The following PLCD4 variants were observed in gnomAD, a reference collection of about 807,000 sequenced individuals.
PLCD4 encodes phospholipase C delta 4, also known as 1-phosphatidylinositol 4,5-bisphosphate phosphodiesterase delta-4.
A neutral mutation model predicts 90.2 loss-of-function variants in PLCD4; 63 were observed. The observed-to-expected ratio is 0.70, with a 90% CI of 0.57 to 0.86. PLCD4 has a LOEUF of 0.86. Ranked by LOEUF, PLCD4 falls within the 40% of genes least tolerant of loss-of-function variation. The probability of loss-of-function intolerance (pLI) is 0.00; values close to 1 mark genes in which losing one functional copy is unlikely to be tolerated. For missense variants in PLCD4, 830 were observed against 956.3 expected, an observed-to-expected ratio of 0.87 and a Z score of 1.74; for synonymous variants, 294 against 356.5, an observed-to-expected ratio of 0.82 and a Z score of 1.97.
intron 1 of PLCD4, among the ~76,000 whole-genome samples, chr2:218,611,770 C>A (rs892096744): frequency 6.6e-6 from 1 of 151,384 alleles, no homozygotes; most frequent in African/African-American, 2.4e-5. Context: ...GGCTACTTTT[C>A]GTATTTTTAA....
At chr2:218,616,549 A>G (rs1292490232) in intron 3 of PLCD4, among the ~76,000 whole-genome samples, 1 of 151,846 alleles carries the variant, frequency 6.6e-6, no homozygotes, top group Non-Finnish European at 1.5e-5. Context: ...CTGTCTCTAT[A>G]AAAAATAAAA....
At chr2:218,621,628 G>A (rs1490787052) in intron 5 of PLCD4, 29 bp downstream of exon 5, 1 of 1,612,296 alleles carries the variant, frequency 6.2e-7, no homozygotes, top group Non-Finnish European at 8.5e-7. Flanking sequence ...ATTTCCAGCG[G>A]CCAACCAGGC....
chr2:218,618,657 T>G lies in PLCD4; in HGVS notation c.260T>G (p.Leu87Arg), dbSNP rs1224326531. ...CGTAGCCTGGCAGAGGAGCTCCCCC[T>G]GGAGCAGGGCTTCACCATTGTCTTC... ...LLRSLAEELP[L>R]EQGFTIVFHG... Residue 87 changes from leucine (L) to arginine (R), a missense_variant, in exon 4 of 16, where the codon CTG becomes CGG. Physicochemically the swap from Leu to Arg is moderately radical, Grantham distance 102. Coordinates refer to ENST00000450993, the MANE Select transcript of PLCD4 (RefSeq NM_032726.4). 3.1e-6 allele frequency: 5 copies of G among 1,613,886 alleles called. No homozygotes were observed. The Admixed American group carries it at 8.3e-5, about 27-fold the overall frequency.
rs1696624093 is a variant in PLCD4, at chr2:218,634,907, A to G, written c.1896+277A>G. Among the ~76,000 whole-genome samples the G allele has an allele frequency of 6.6e-6, 1 of 152,206 alleles. No homozygotes were observed. Among genetic ancestry groups the G allele is most frequent in the Admixed American group, 6.5e-5 (1 of 15,282 alleles). Reference sequence around the variant, plus strand: ...AGGGTTATAAGGAGTATAACAGTTAATATAAAGTTCTTACAATTCCTGGCA... The same window carrying G: ...AGGGTTATAAGGAGTATAACAGTTAGTATAAAGTTCTTACAATTCCTGGCA... On this transcript the variant is annotated intron_variant, in intron 13 of 15. Coordinates refer to ENST00000450993, the MANE Select transcript of PLCD4 (RefSeq NM_032726.4). The surrounding 1 kb of genome is among the most constrained non-coding windows in gnomAD (Gnocchi z 4.0).
intron 6 of PLCD4, among the ~76,000 whole-genome samples, chr2:218,623,839 C>G (rs1014715539): frequency 6.6e-6 from 1 of 152,142 alleles, no homozygotes; most frequent in African/African-American, 2.4e-5. Flanking sequence ...TGCGCCACCA[C>G]GCCCGGCTAA....
intron 7 of PLCD4, 170 bp downstream of exon 7, chr2:218,628,400 G>A (rs1473698336): frequency 3.2e-6 from 2 of 620,880 alleles, no homozygotes; most frequent in Non-Finnish European, 2.8e-6. Flanking sequence ...TGGGAGAATG[G>A]TAATGAAACC....
At chr2:218,615,854 G>T (rs778263191) in intron 2 of PLCD4, 50 bp from the exon 3 acceptor site, 14 of 1,609,526 alleles carry the variant, frequency 8.7e-6, no homozygotes, top group African/African-American at 2.7e-5. Context: ...CTCTCCCTGG[G>T]CCTGCTACCC....
intron 7 of PLCD4, 128 bp from the exon 8 acceptor site, chr2:218,629,391 T>G: frequency 9.4e-7 from 1 of 1,059,348 alleles, no homozygotes; most frequent in Non-Finnish European, 1.4e-6. Context: ...TCTATGCAGA[T>G]GTAGCTTGAA....
In PLCD4 at chr2:218,636,219, ATTTC is replaced by A. The variant is rs1157522051; in HGVS notation, c.2033-18_2033-15del. On this transcript the variant is annotated intron_variant, in intron 14 of 15. Transcript: ENST00000450993. ...AAGAAAACTGTCATAATGTCTTCTT[ATTTC>A]TTTCTGTCCACCAACTCAGGTTTTA... 2.4e-5 allele frequency: 38 copies of A among 1,606,972 alleles called. No individual in the cohort carries two copies. Among genetic ancestry groups the A allele is most frequent in the Non-Finnish European group, 3.2e-5 (37 of 1,173,580 alleles).
intron 1 of PLCD4, 125 bp from the exon 2 acceptor site, chr2:218,615,582 T>G: frequency 1.5e-6 from 1 of 682,634 alleles, no homozygotes; most frequent in Non-Finnish European, 2.4e-6. Flanking sequence ...CTTATGTGAT[T>G]TGAGGCAGGT....
In PLCD4 at chr2:218,632,528, A is replaced by C. The variant is rs545712350; in HGVS notation, c.1449+216A>C. Among the ~76,000 whole-genome samples, 15 of 152,272 alleles carry C rather than the reference A, an allele frequency of 9.9e-5. No individual in the cohort carries two copies. In the South Asian group the frequency reaches 3.1e-3, roughly 32 times the overall value. On this transcript the variant is annotated intron_variant, in intron 10 of 15. Coordinates refer to ENST00000450993, the MANE Select transcript of PLCD4 (RefSeq NM_032726.4). The stretch of plus-strand genomic sequence containing the variant: ...AGTGGCTTTCCAACTTCTTTGGGCC[A>C]CATCTTTTTTTTTAAAATGAAATCT...
At chr2:218,620,020 G>A (rs1695800950) in intron 4 of PLCD4, among the ~76,000 whole-genome samples, 1 of 152,156 alleles carries the variant, frequency 6.6e-6, no homozygotes, top group African/African-American at 2.4e-5. Flanking sequence ...TGGGATTACA[G>A]GCATGTGCCA....
Position 218,629,686 on chromosome 2 carries a change from A to C in PLCD4, c.1119+23A>C, listed in dbSNP as rs188184191. 22 of 1,607,856 alleles carry C rather than the reference A, an allele frequency of 1.4e-5. No homozygotes were observed. In the East Asian group the frequency reaches 1.8e-4, roughly 13 times the overall value. On this transcript the variant is annotated intron_variant, in intron 8 of 15. Coordinates refer to ENST00000450993, the MANE Select transcript of PLCD4 (RefSeq NM_032726.4). ...CAGGTAGTAGCCCCAGGATGGGGAC[A>C]CTGGTGAGGCCAGAAGGTCTGAGGG...
intron 4 of PLCD4, 114 bp from the exon 5 acceptor site, chr2:218,621,356 C>G (rs1695870806): frequency 8.0e-7 from 1 of 1,251,382 alleles, no homozygotes. Context: ...TGGATTGGCA[C>G]CGGGGAGAGA....
chr2:218,633,707 T>C lies in PLCD4; in HGVS notation c.1552T>C (p.Tyr518His). The C allele has an allele frequency of 6.2e-7, 1 of 1,613,978 alleles. No homozygotes were observed. Among genetic ancestry groups the C allele is most frequent in the Middle Eastern group, 1.6e-4 (1 of 6,062 alleles). ...FTHSKEHYHF[Y>H]EISSFSETKA... ...ACATTCAAAGGAGCACTACCACTTC[T>C]ACGAGATATCATCTTTCTCTGAAAC... The change falls in exon 11 of 16, where the codon TAC becomes CAC. Residue 518 changes from tyrosine (Y) to histidine (H), a missense_variant. Transcript: ENST00000450993.
chr2:218,634,304 G>C lies in PLCD4; in HGVS notation c.1723+83G>C. 6.4e-7 allele frequency: 1 copy of C among 1,570,368 alleles called. No individual in the cohort carries two copies. Among genetic ancestry groups the C allele is most frequent in the Non-Finnish European group, 8.6e-7 (1 of 1,157,820 alleles). ...GTTCTCTAGTGATGGTAGGGTTGGG[G>C]AATGCTCAAGAAAATTGCTAGGCTG... On this transcript the variant is annotated intron_variant, in intron 12 of 15. Transcript: ENST00000450993. This position sits in a 1 kb window ranked among gnomAD's most constrained non-coding sequence, Gnocchi z 4.0.
rs1304643857 is a variant in PLCD4 at position 218,615,841 on chromosome 2, G to C, written c.23-63G>C. On this transcript the variant is annotated intron_variant, in intron 2 of 15. Coordinates refer to ENST00000450993, the MANE Select transcript of PLCD4 (RefSeq NM_032726.4). ...GGAAGGAGGTTGGACCCCTGTTCCA[G>C]AGCTCTCCCTGGGCCTGCTACCCTC... The C allele has an allele frequency of 2.4e-5, 38 of 1,606,044 alleles. No homozygotes were observed. In the Admixed American group the frequency reaches 6.4e-4, roughly 27 times the overall value.
At position 218,635,929 on chromosome 2, in the gene PLCD4, A is replaced by G. The variant is rs199950867; in HGVS notation, c.2030A>G (p.Asn677Ser). The change falls in exon 14 of 16, where the codon AAT becomes AGT. Residue 677 changes from asparagine (N) to serine (S), a missense_variant and splice_region_variant. By Grantham distance (46) the Asn-to-Ser change is conservative (BLOSUM62 1). Transcript: ENST00000450993. The part of the protein sequence containing the change: ...ARQETNYVEN[N>S]GFNPYWGQTL... ...CAGGAGACCAACTATGTGGAGAACA[A>G]TGGTGAGAAACTGGCAGTGCTGGGG... is the stretch of plus-strand genomic sequence containing the variant. 25 of 1,614,032 alleles carry G rather than the reference A, an allele frequency of 1.5e-5. 1 individual carries two copies. The East Asian group carries it at 1.8e-4, about 12-fold the overall frequency.
At chr2:218,631,278 C>T (rs1696348034) in intron 9 of PLCD4, among the ~76,000 whole-genome samples, 1 of 152,080 alleles carries the variant, frequency 6.6e-6, no homozygotes, top group Non-Finnish European at 1.5e-5. Flanking sequence ...GATTCTCCTG[C>T]CTCAGCCTCC....
Sources: gnomAD v4.1 joint callset for allele counts (sites outside exome capture counted in the v4.1 genomes callset) on GRCh38, gnomAD v4.1.1 for gene constraint, Gnocchi (gnomAD v3.1) non-coding constraint, MANE v1.5 for transcripts, NCBI Gene and HGNC (gene_info 2026-07-23, HGNC 2026-07-21) for gene names.